BAZ2B: variants seen among roughly 807,000 people sequenced by gnomAD.
BAZ2B encodes bromodomain adjacent to zinc finger domain 2B, also known as bromodomain adjacent to zinc finger domain protein 2B.
Under a neutral mutation model 246.0 loss-of-function variants are expected in BAZ2B, and 91 were observed. The observed-to-expected ratio is 0.37, with a 90% CI of 0.31 to 0.44. The LOEUF is 0.44. BAZ2B is among the 20% of genes least tolerant of loss of function. BAZ2B has a pLI of 1.00. For missense variants in BAZ2B, 2,332 were observed against 2,533.7 expected (o/e 0.92, Z 1.71); for synonymous variants, 855 against 860.0 (o/e 0.99, Z 0.10).
At chr2:159,530,585 T>C (rs1212680675) in intron 2 of BAZ2B, among the ~76,000 whole-genome samples, 1 of 152,208 alleles carries the variant, frequency 6.6e-6, no homozygotes, top group African/African-American at 2.4e-5. Flanking sequence ...AAATATTTAT[T>C]GAGGAATAAC....
At chr2:159,510,499 T>C (rs1335255541) in intron 2 of BAZ2B, among the ~76,000 whole-genome samples, 1 of 152,120 alleles carries the variant, frequency 6.6e-6, no homozygotes, top group Non-Finnish European at 1.5e-5. Context: ...GGTTACAGAG[T>C]TTCTGTTTGG....
In BAZ2B at chr2:159,366,623, G is replaced by A. The variant is rs573163129; in HGVS notation, c.4213+6422C>T. ...ATATGACCAGCAATTGCTATCATGGGAAACGCTGCCATTGAGAAAGCCTGG... is the reference window on the plus strand; with the variant it reads ...ATATGACCAGCAATTGCTATCATGGAAAACGCTGCCATTGAGAAAGCCTGG... On this transcript the variant is annotated intron_variant, in intron 27 of 36. Coordinates refer to ENST00000392783, the MANE Select transcript of BAZ2B (RefSeq NM_013450.4). Among the ~76,000 whole-genome samples the A allele has an allele frequency of 2.6e-5, 4 of 152,328 alleles. No homozygotes were observed. In the South Asian group the frequency reaches 8.3e-4, roughly 32 times the overall value.
the BAZ2B span, among the ~76,000 whole-genome samples, chr2:159,691,221 T>C: frequency 6.6e-6 from 1 of 152,214 alleles, no homozygotes. Flanking sequence ...GATTGCCTAA[T>C]ATTGAAACAA....
At chr2:159,416,760 TA>T (rs1012175960) in intron 13 of BAZ2B, among the ~76,000 whole-genome samples, 1 of 152,216 alleles carries the variant, frequency 6.6e-6, no homozygotes, top group Admixed American at 6.5e-5. Context: ...CCTTGGCATT[TA>T]AAAAGTAAAT....
chr2:159,404,358 T>G (rs899114932), intron 16 of BAZ2B: 1 of 149,966 alleles, frequency 6.7e-6, no homozygotes, highest in Non-Finnish European at 1.5e-5. Context: ...TTTGCTAAAA[T>G]AATGCTGTCA....
chr2:159,431,049 T>C lies in BAZ2B; in HGVS notation c.2008A>G (p.Met670Val), dbSNP rs370150609. Residue 670 changes from methionine (M) to valine (V), a missense_variant, in exon 10 of 37, where the codon ATG (methionine) becomes GTG (valine). This residue lies in a region of BAZ2B where 651 missense variants were observed against 650.9 expected (regional missense o/e 1.00). Coordinates refer to ENST00000392783, the MANE Select transcript of BAZ2B (RefSeq NM_013450.4). Reference sequence around the variant, plus strand: ...GAGGAAGTTGTTTTATTCAGTTTCATTGAAGTTTTCTCTCCTTCAGTATCA... The same window carrying C: ...GAGGAAGTTGTTTTATTCAGTTTCACTGAAGTTTTCTCTCCTTCAGTATCA... ...DSDTEGEKTS[M>V]KLNKTTSSVK... The C allele has an allele frequency of 1.4e-5, 23 of 1,613,952 alleles. No individual in the cohort carries two copies. Among genetic ancestry groups the C allele is most frequent in the Admixed American group, 5.0e-5 (3 of 59,996 alleles).
At chr2:159,372,016 T>C (rs1158042167) in intron 27 of BAZ2B, among the ~76,000 whole-genome samples, 1 of 152,204 alleles carries the variant, frequency 6.6e-6, no homozygotes, top group African/African-American at 2.4e-5. Flanking sequence ...ATTGAGATTC[T>C]GCATAACATT....
the BAZ2B span, among the ~76,000 whole-genome samples, chr2:159,662,231 T>C: frequency 1.3e-5 from 2 of 152,234 alleles, no homozygotes; most frequent in Non-Finnish European, 2.9e-5. Context: ...AATTTGCTTA[T>C]TGATCTGTTG....
chr2:159,639,390 T>C, the BAZ2B span, among the ~76,000 whole-genome samples: 1 of 152,150 alleles, frequency 6.6e-6, no homozygotes, highest in Non-Finnish European at 1.5e-5. Flanking sequence ...AAACCCAGGA[T>C]AGTGTAACAC....
chr2:159,452,232 C>T (rs1436973800), intron 4 of BAZ2B, among the ~76,000 whole-genome samples: 5 of 152,138 alleles, frequency 3.3e-5, no homozygotes, highest in Non-Finnish European at 7.4e-5. Flanking sequence ...CCTTTCTACA[C>T]GTAGTTTTAA....
At chr2:159,337,885 T>A in intron 31 of BAZ2B, 113 bp from the exon 32 acceptor site, 1 of 1,007,646 alleles carries the variant, frequency 9.9e-7, no homozygotes, top group Non-Finnish European at 1.4e-6. Flanking sequence ...GGATTGTTAC[T>A]AAAAGATTTT....
chr2:159,599,533 G>A lies in BAZ2B; in HGVS notation c.-46+16709C>T, dbSNP rs185804271. The stretch of plus-strand genomic sequence containing the variant: ...CTCAGGAGGCTGAGACAGGAGAATC[G>A]CTTGAACCTGGGAGGTGGAGGTTGC... On this transcript the variant is annotated intron_variant, in intron 1 of 36. Transcript: ENST00000392783. 4.8e-4 allele frequency among the ~76,000 whole-genome samples: 73 copies of A among 152,128 alleles called. 1 individual carries two copies. Among genetic ancestry groups the A allele is most frequent in the Admixed American group, 3.3e-4 (5 of 15,278 alleles).
intron 2 of BAZ2B, among the ~76,000 whole-genome samples, chr2:159,489,271 T>G (rs1295480162): frequency 6.6e-6 from 1 of 151,066 alleles, no homozygotes; most frequent in Non-Finnish European, 1.5e-5. Flanking sequence ...GTAATCTGAA[T>G]AAAAAACTCA....
intron 2 of BAZ2B, among the ~76,000 whole-genome samples, chr2:159,511,923 TA>T (rs2082966162): frequency 6.6e-6 from 1 of 152,102 alleles, no homozygotes; most frequent in Non-Finnish European, 1.5e-5. Flanking sequence ...GATAATAAAA[TA>T]AAAGGAAAAC....
intron 27 of BAZ2B, among the ~76,000 whole-genome samples, chr2:159,358,030 C>T (rs1401790815): frequency 2.6e-5 from 4 of 152,044 alleles, no homozygotes; most frequent in African/African-American, 7.2e-5. Flanking sequence ...TGTAGACCAT[C>T]GACACTATGA....
intron 27 of BAZ2B, among the ~76,000 whole-genome samples, chr2:159,368,929 ATTAT>A (rs1465793177): frequency 2.4e-4 from 37 of 151,472 alleles, no homozygotes; most frequent in Admixed American, 2.4e-3. Flanking sequence ...AAGACATTAA[ATTAT>A]TTATTTACTT....
At chr2:159,390,255 T>A (rs918349) in intron 20 of BAZ2B, among the ~76,000 whole-genome samples, 1 of 152,040 alleles carries the variant, frequency 6.6e-6, no homozygotes, top group Non-Finnish European at 1.5e-5. Flanking sequence ...AAAAGTCTTT[T>A]GATTTTCTAT....
chr2:159,426,488 A>G (rs1559370525), intron 13 of BAZ2B, among the ~76,000 whole-genome samples: 1 of 152,154 alleles, frequency 6.6e-6, no homozygotes, highest in Non-Finnish European at 1.5e-5. Flanking sequence ...ACTGTGGTTC[A>G]CTAAAATTCT....
intron 11 of BAZ2B, among the ~76,000 whole-genome samples, 158 bp downstream of exon 11, chr2:159,429,042 C>T (rs192081000): frequency 6.6e-6 from 1 of 152,054 alleles, no homozygotes; most frequent in Non-Finnish European, 1.5e-5. Context: ...TTCTGATATA[C>T]CAAATTCCTT....
Sources: allele counts gnomAD v4.1 joint callset (sites outside exome capture counted in the v4.1 genomes callset), GRCh38; gene constraint gnomAD v4.1.1; regional missense constraint gnomAD v4.1.1; transcripts MANE v1.5; gene names NCBI Gene and HGNC (gene_info 2026-07-23, HGNC 2026-07-21).